TP63: variants seen among roughly 807,000 people sequenced by gnomAD.
TP63 encodes tumor protein p63, also known as tumor protein 63.
A neutral mutation model predicts 82.8 loss-of-function variants in TP63; 17 were observed. The observed-to-expected ratio is 0.21, with a 90% CI of 0.14 to 0.31. The LOEUF (loss-of-function observed/expected upper bound fraction) is 0.31. Among genes scored for constraint, TP63 ranks in the 10% least tolerant of loss-of-function variants. The probability of loss-of-function intolerance (pLI) is 1.00; values close to 1 mark genes in which losing one functional copy is unlikely to be tolerated. For synonymous variants in TP63, 330 were observed against 321.7 expected (o/e 1.03, Z -0.28); for missense variants, 648 against 895.3 (o/e 0.72, Z 3.52).
chr3:189,888,846 T>C (rs1720725972), intron 11 of TP63, among the ~76,000 whole-genome samples: 1 of 152,194 alleles, frequency 6.6e-6, no homozygotes, highest in East Asian at 1.9e-4. Context: ...TATTCCCAAA[T>C]AAATGTTCCA....
the TP63 span, among the ~76,000 whole-genome samples, chr3:189,615,450 T>A: frequency 6.6e-6 from 1 of 152,348 alleles, no homozygotes; most frequent in East Asian, 1.9e-4. Context: ...TCTTTTCAGG[T>A]TTCTTTAATG....
chr3:189,637,088 G>GACAC lies in TP63; in HGVS notation c.62+5524_62+5527dup, dbSNP rs35703123. 1.6e-3 allele frequency among the ~76,000 whole-genome samples: 244 copies of GACAC among 150,932 alleles called. 2 individuals are homozygous for GACAC. Among genetic ancestry groups the GACAC allele is most frequent in the South Asian group, 0.011 (55 of 4,794 alleles). On this transcript the variant is annotated intron_variant, in intron 1 of 13. Coordinates refer to ENST00000264731, the MANE Select transcript of TP63 (RefSeq NM_003722.5). ...TGGACTGGATGCTATTGCACTGCAG[G>GACAC]ACACACACACACACACTCACAATGG...
intron 3 of TP63, among the ~76,000 whole-genome samples, chr3:189,776,684 C>G (rs566283959): frequency 2.6e-5 from 4 of 152,300 alleles, no homozygotes; most frequent in African/African-American, 9.6e-5. Flanking sequence ...GTTGAACTCT[C>G]TAATTAGCCC....
chr3:189,659,284 C>A (rs969481589), intron 1 of TP63, among the ~76,000 whole-genome samples: 4 of 151,986 alleles, frequency 2.6e-5, no homozygotes, highest in African/African-American at 9.7e-5. Flanking sequence ...TGATTAGCTC[C>A]CACTTATACA....
intron 1 of TP63, among the ~76,000 whole-genome samples, chr3:189,728,703 G>A (rs535330721): frequency 1.3e-5 from 2 of 152,296 alleles, no homozygotes; most frequent in Admixed American, 1.3e-4. Flanking sequence ...CAAAATGGCA[G>A]AAGGCACCTC....
At chr3:189,713,913 A>G (rs1189135727) in intron 1 of TP63, among the ~76,000 whole-genome samples, 1 of 152,224 alleles carries the variant, frequency 6.6e-6, no homozygotes, top group African/African-American at 2.4e-5. Flanking sequence ...TAGAAAATAT[A>G]TGATCAAGTG....
In TP63 at chr3:189,850,296, C is replaced by G. The variant is rs531967793; in HGVS notation, c.580-13936C>G. Among the ~76,000 whole-genome samples the G allele has an allele frequency of 3.3e-5, 5 of 151,830 alleles. No individual in the cohort carries two copies. In the South Asian group the frequency reaches 8.3e-4, roughly 25 times the overall value. On this transcript the variant is annotated intron_variant, in intron 4 of 13. Transcript: ENST00000264731. ...GACTCCATCCCCCCGTACCCCTTCC[C>G]CCACCGCCACCACCAAAAAAAGAAT...
At chr3:189,879,051 A>G (rs7633861) in intron 10 of TP63, among the ~76,000 whole-genome samples, 58,972 of 152,070 alleles carry the variant, frequency 0.39, 12,671 homozygotes, top group African/African-American at 0.59. Flanking sequence ...TTACTTTTGT[A>G]ACTTCTCTCA....
chr3:189,618,949 A>G, the TP63 span, among the ~76,000 whole-genome samples: 27 of 152,090 alleles, frequency 1.8e-4, no homozygotes, highest in African/African-American at 6.3e-4. Context: ...AGCTTGCCCT[A>G]TGCACGGTGG....
intron 4 of TP63, among the ~76,000 whole-genome samples, chr3:189,839,561 T>G (rs528251290): frequency 5.8e-4 from 88 of 152,360 alleles, no homozygotes; most frequent in Admixed American, 1.4e-3. Flanking sequence ...AAAACGTATC[T>G]TCTTATACGG....
At chr3:189,631,369 G>C (rs1376782367), upstream of TP63, 1 of 1,516,548 alleles carries the variant, frequency 6.6e-7, no homozygotes, top group East Asian at 2.5e-5. Context: ...TATGTATGAA[G>C]GAGAGAAGTG....
At chr3:189,824,146 C>T (rs1468180787) in intron 4 of TP63, among the ~76,000 whole-genome samples, 1 of 152,136 alleles carries the variant, frequency 6.6e-6, no homozygotes, top group Non-Finnish European at 1.5e-5. Context: ...TTCTCCCAGG[C>T]TGATTGAAAT....
chr3:189,823,147 G>A (rs182585464), intron 4 of TP63, among the ~76,000 whole-genome samples: 3 of 152,274 alleles, frequency 2.0e-5, no homozygotes, highest in South Asian at 2.1e-4. Context: ...CTCCAGACAG[G>A]CAGTGGACTC....
Position 189,808,359 on chromosome 3 carries a change from C to G in TP63, c.412C>G (p.His138Asp). 6.2e-7 allele frequency: 1 copy of G among 1,614,214 alleles called. No individual in the cohort carries two copies. ...SSSTSPYNTD[H>D]AQNSVTAPSP... ...GTCCACCAGTCCCTATAACACAGAC[C>G]ACGCGCAGAACAGCGTCACGGCGCC... Residue 138 changes from histidine (H) to aspartate (D), a missense_variant, in exon 4 of 14, where the codon CAC becomes GAC. Physicochemically the swap from His to Asp is moderately conservative, Grantham distance 81 (BLOSUM62 -1). This residue lies in a region of TP63 where 182 missense variants were observed against 213.6 expected (regional missense o/e 0.85). Transcript: ENST00000264731.
chr3:189,873,144 C>T, intron 10 of TP63, 149 bp downstream of exon 10: 1 of 1,142,904 alleles, frequency 8.7e-7, no homozygotes, highest in South Asian at 1.3e-5. Flanking sequence ...AACCCTCTTT[C>T]AGTTGCAACC....
At chr3:189,633,986 C>T (rs1439894403) in intron 1 of TP63, among the ~76,000 whole-genome samples, 4 of 151,992 alleles carry the variant, frequency 2.6e-5, no homozygotes, top group Admixed American at 6.6e-5. Flanking sequence ...TACTATTTTC[C>T]AACCTTTATT....
chr3:189,734,888 A>C (rs1720461370), intron 1 of TP63, among the ~76,000 whole-genome samples: 1 of 152,068 alleles, frequency 6.6e-6, no homozygotes, highest in African/African-American at 2.4e-5. Context: ...AGGATCTTGA[A>C]ATTTTCTCTC....
chr3:189,622,758 G>A, the TP63 span, among the ~76,000 whole-genome samples: 1 of 152,206 alleles, frequency 6.6e-6, no homozygotes, highest in African/African-American at 2.4e-5. Flanking sequence ...ATTTCATCGT[G>A]TGATTGTAAG....
rs551056933 is a variant in TP63, at chr3:189,707,231, C to T, written c.63-30509C>T. ...CTATTTTTCTGTTCCTTTTCAAAAT[C>T]TTGCTAAATGCTTGCATAGTATTTG... On this transcript the variant is annotated intron_variant, in intron 1 of 13. Coordinates refer to ENST00000264731, the MANE Select transcript of TP63 (RefSeq NM_003722.5). 7.2e-5 allele frequency among the ~76,000 whole-genome samples: 11 copies of T among 152,290 alleles called. No homozygotes were observed. In the South Asian group the frequency reaches 2.3e-3, roughly 32 times the overall value.
Sources: gnomAD v4.1 joint callset for allele counts (sites outside exome capture counted in the v4.1 genomes callset) on GRCh38, gnomAD v4.1.1 for gene constraint, gnomAD v4.1.1 regional missense constraint, MANE v1.5 for transcripts, NCBI Gene and HGNC (gene_info 2026-07-23, HGNC 2026-07-21) for gene names.